The following LRP4 variants were observed in gnomAD, a reference collection of about 807,000 sequenced individuals.
LRP4 encodes low-density lipoprotein receptor-related protein 4.
Under a neutral mutation model 220.3 loss-of-function variants are expected in LRP4, and 95 were observed. The ratio of observed to expected loss-of-function variants is 0.43; its 90% CI spans 0.37 to 0.51. LRP4 has a LOEUF of 0.51. Among genes scored for constraint, LRP4 ranks in the 20% least tolerant of loss-of-function variants. LRP4 has a pLI of 0.00. For missense variants in LRP4, 1,925 were observed against 2,567.0 expected, an observed-to-expected ratio of 0.75 and a Z score of 5.40; for synonymous variants, 903 against 954.6, an observed-to-expected ratio of 0.95 and a Z score of 1.00.
chr11:46,886,221 C>G, intron 17 of LRP4, 49 bp from the exon 18 acceptor site: 1 of 1,599,018 alleles, frequency 6.3e-7, no homozygotes. Flanking sequence ...CACTCTAGTT[C>G]TGGAGCCCAA....
intron 20 of LRP4, 43 bp downstream of exon 20, chr11:46,881,659 T>A (rs1941162278): frequency 6.3e-7 from 1 of 1,578,998 alleles, no homozygotes; most frequent in African/African-American, 1.3e-5. Flanking sequence ...TGTGGGAAGA[T>A]GTTTTAGTGC....
At chr11:46,863,154 G>A (rs912813240) in intron 36 of LRP4, among the ~76,000 whole-genome samples, 8 of 152,244 alleles carry the variant, frequency 5.3e-5, no homozygotes, top group Non-Finnish European at 8.8e-5. Flanking sequence ...CTATGTGAGT[G>A]AGTGTGGAAG....
chr11:46,893,111 C>T lies in LRP4; in HGVS notation c.1559G>A (p.Trp520Ter). The T allele has an allele frequency of 6.2e-7, 1 of 1,614,144 alleles. No homozygotes were observed. The highest frequency in any genetic ancestry group is 1.1e-5 in the South Asian group (1 of 91,076). ...GGTCCAGTAGAGTTTGTCATGGACCCAATCCACAGCCAGGCCCCCTGGTGA... is the reference window on the plus strand; with the variant it reads ...GGTCCAGTAGAGTTTGTCATGGACCTAATCCACAGCCAGGCCCCCTGGTGA... ...LESPGGLAVDWVHDKLYWTDS... is the reference protein window; with the variant it reads ...LESPGGLAVD Residue 520 changes from tryptophan to a stop codon, truncating the protein, a stop_gained, in exon 13 of 38, where the codon TGG becomes TAG. Transcript: ENST00000378623. LOFTEE classifies it high-confidence loss of function.
chr11:46,871,534 G>C lies in LRP4; in HGVS notation c.4683C>G (p.Ala1561=), dbSNP rs759786789. Residue 1561 remains alanine (A), a synonymous_variant, in exon 31 of 38, where the codon GCC becomes GCG. Coordinates refer to ENST00000378623, the MANE Select transcript of LRP4 (RefSeq NM_002334.4). The part of the protein sequence containing the change: ...VLVSHVSHPF[A]LTQQDRWIYW... Reference sequence around the variant, plus strand: ...TCTCCTGAGCCAGTACCTGTGTGAGGGCAAAGGGGTGGGACACATGGCTGA... The same window carrying C: ...TCTCCTGAGCCAGTACCTGTGTGAGCGCAAAGGGGTGGGACACATGGCTGA... 31 of 1,610,960 alleles carry C rather than the reference G, an allele frequency of 1.9e-5. No homozygotes were observed. The highest frequency in any genetic ancestry group is 2.5e-5 in the Non-Finnish European group (30 of 1,177,976).
Position 46,861,523 on chromosome 11 carries a change from C to CTTTTTTTTTTT in LRP4, c.5385+1072_5385+1082dup, listed in dbSNP as rs576719115. 2.6e-4 allele frequency among the ~76,000 whole-genome samples: 22 copies of CTTTTTTTTTTT among 83,490 alleles called. 2 individuals carry two copies. The highest frequency in any genetic ancestry group is 1.1e-3 in the South Asian group (2 of 1,806). 54.8% of individuals were successfully genotyped at this position (83,490 alleles called of 152,430 possible). A position where few individuals can be genotyped will look rare whatever the true frequency, so the allele number is the denominator to read the frequency against. On this transcript the variant is annotated intron_variant, in intron 37 of 37. Transcript: ENST00000378623. ...AGTTAGTTTCCTTGTGGAAATGGGA[C>CTTTTTTTTTTT]TTTTTTTTTTTTTTTTTTTTTTGAG...
intron 12 of LRP4, 83 bp from the exon 13 acceptor site, chr11:46,893,212 G>A: frequency 6.5e-7 from 1 of 1,529,574 alleles, no homozygotes; most frequent in South Asian, 1.1e-5. Flanking sequence ...ACTCTTACAG[G>A]AAGCAATTTT....
Position 46,858,707 on chromosome 11 carries a change from G to T in LRP4, c.*276C>A. 2 of 480,396 alleles carry T rather than the reference G, an allele frequency of 4.2e-6. No homozygotes were observed. Among genetic ancestry groups the T allele is most frequent in the South Asian group, 4.0e-5 (2 of 49,678 alleles). The allele number at this position is 480,396 out of a possible 1,614,324, so 29.8% of individuals were successfully genotyped here. On this transcript the variant is annotated 3_prime_UTR_variant, in exon 38 of 38. Transcript: ENST00000378623. ...GAGCTCTACGCTGGTGAGGAATCAC[G>T]AATAAGCAGTTTCAGGGGGCCCAGG...
At chr11:46,917,540 C>T (rs1289639394) in intron 1 of LRP4, among the ~76,000 whole-genome samples, 3 of 152,204 alleles carry the variant, frequency 2.0e-5, no homozygotes, top group Non-Finnish European at 4.4e-5. Context: ...GGGACCCTGC[C>T]GCGAGGGCCC....
In LRP4 at chr11:46,918,188, C is replaced by G; in HGVS notation, c.52+140G>C. 2.2e-6 allele frequency: 2 copies of G among 902,784 alleles called. No homozygotes were observed. Among genetic ancestry groups the G allele is most frequent in the Non-Finnish European group, 3.3e-6 (2 of 614,116 alleles). 55.9% of individuals were successfully genotyped at this position (902,784 alleles called of 1,614,324 possible). ...GAGCCGGGGCCGCTCCGGGTCCTCT[C>G]CCCTGCACGCAGCCCCAGGGCCACG... is the stretch of plus-strand genomic sequence containing the variant. On this transcript the variant is annotated intron_variant, in intron 1 of 37. Transcript: ENST00000378623. This position sits in a 1 kb window ranked among gnomAD's most constrained non-coding sequence, Gnocchi z 6.0.
intron 37 of LRP4, among the ~76,000 whole-genome samples, chr11:46,860,735 T>G (rs1451099477): frequency 1.3e-5 from 2 of 151,974 alleles, no homozygotes; most frequent in Non-Finnish European, 2.9e-5. Flanking sequence ...CCATGCAGAG[T>G]GGGACATAGC....
intron 11 of LRP4, 70 bp downstream of exon 11, chr11:46,895,096 G>A: frequency 1.3e-6 from 2 of 1,598,918 alleles, no homozygotes; most frequent in Non-Finnish European, 1.7e-6. Flanking sequence ...AAATCCCTGA[G>A]CACCAGAGTA....
In LRP4 at chr11:46,857,796, C is replaced by T. The variant is rs1031324033; in HGVS notation, c.*1187G>A. The T allele has an allele frequency of 2.0e-5, 3 of 152,612 alleles. No individual in the cohort carries two copies. Among genetic ancestry groups the T allele is most frequent in the African/African-American group, 7.2e-5 (3 of 41,432 alleles). 9.5% of individuals were successfully genotyped at this position (152,612 alleles called of 1,614,324 possible). A position where few individuals can be genotyped will look rare whatever the true frequency, so the allele number is the denominator to read the frequency against. ...CCCACATGGAAACTAAGCCCCTTAGCTGAGGGGACAGCTGGAAGAGGAACA... is the reference window on the plus strand; with the variant it reads ...CCCACATGGAAACTAAGCCCCTTAGTTGAGGGGACAGCTGGAAGAGGAACA... On this transcript the variant is annotated 3_prime_UTR_variant, in exon 38 of 38. Transcript: ENST00000378623.
intron 22 of LRP4, among the ~76,000 whole-genome samples, 153 bp downstream of exon 22, chr11:46,878,753 CT>C (rs1255437159): frequency 6.6e-6 from 1 of 152,184 alleles, no homozygotes; most frequent in Non-Finnish European, 1.5e-5. Context: ...GGCCCGTCCC[CT>C]TTTCTAAAAG....
Position 46,899,791 on chromosome 11 carries a change from G to C in LRP4, c.430+72C>G, listed in dbSNP as rs1941626398. ...GAGGTTTGGCAGTGCTAGGGCCATTGCTGCTATCTTCTCCCATGGCCAGGC... is the reference window on the plus strand; with the variant it reads ...GAGGTTTGGCAGTGCTAGGGCCATTCCTGCTATCTTCTCCCATGGCCAGGC... On this transcript the variant is annotated intron_variant, in intron 4 of 37. Coordinates refer to ENST00000378623, the MANE Select transcript of LRP4 (RefSeq NM_002334.4). The surrounding 1 kb of genome is among the most constrained non-coding windows in gnomAD (Gnocchi z 5.9). 3.2e-6 allele frequency: 4 copies of C among 1,244,060 alleles called. No homozygotes were observed. In the South Asian group the frequency reaches 4.8e-5, roughly 15 times the overall value. 77.1% of individuals were successfully genotyped at this position (1,244,060 alleles called of 1,614,324 possible).
At position 46,910,834 on chromosome 11, in the gene LRP4, C is replaced by T. The variant is rs1592554522; in HGVS notation, c.52+7494G>A. Reference sequence around the variant, plus strand: ...GACTACAGGTGTGTACCGCCACACCCGGCTAATTTTTGTATTTTTAGAGTA... The same window carrying T: ...GACTACAGGTGTGTACCGCCACACCTGGCTAATTTTTGTATTTTTAGAGTA... On this transcript the variant is annotated intron_variant, in intron 1 of 37. Coordinates refer to ENST00000378623, the MANE Select transcript of LRP4 (RefSeq NM_002334.4). Among the ~76,000 whole-genome samples the T allele has an allele frequency of 2.0e-5, 3 of 152,124 alleles. No individual in the cohort carries two copies. The South Asian group carries it at 6.2e-4, about 32-fold the overall frequency.
At chr11:46,892,310 G>A (rs1222551700) in intron 13 of LRP4, among the ~76,000 whole-genome samples, 1 of 152,064 alleles carries the variant, frequency 6.6e-6, no homozygotes, top group Non-Finnish European at 1.5e-5. Context: ...GTATTAATTA[G>A]GTCAACCTTA....
intron 8 of LRP4, 113 bp from the exon 9 acceptor site, chr11:46,896,448 G>T (rs1366047509): frequency 1.5e-6 from 2 of 1,359,780 alleles, no homozygotes; most frequent in Non-Finnish European, 2.1e-6. Context: ...AGGTGGGAGG[G>T]TGAGGGTCCT....
At position 46,876,410 on chromosome 11, in the gene LRP4, T is replaced by TA; in HGVS notation, c.3536+55dup. On this transcript the variant is annotated intron_variant, in intron 25 of 37. Coordinates refer to ENST00000378623, the MANE Select transcript of LRP4 (RefSeq NM_002334.4). The stretch of plus-strand genomic sequence containing the variant: ...TCCACTACCCACCTTTACCCCGTCA[T>TA]AACCCCAGCTGAGCTGGCCCCCCAC... The TA allele has an allele frequency of 3.7e-6, 6 of 1,607,130 alleles. No individual in the cohort carries two copies. In the East Asian group the frequency reaches 1.1e-4, roughly 30 times the overall value.
At chr11:46,867,798 A>G (rs1319039800) in intron 34 of LRP4, among the ~76,000 whole-genome samples, 181 bp downstream of exon 34, 2 of 152,206 alleles carry the variant, frequency 1.3e-5, no homozygotes, top group African/African-American at 4.8e-5. Flanking sequence ...CTCAGAGCTA[A>G]AAAGGGAATC....
Sources: allele counts gnomAD v4.1 joint callset (sites outside exome capture counted in the v4.1 genomes callset), GRCh38; gene constraint gnomAD v4.1.1; non-coding constraint Gnocchi (gnomAD v3.1); transcripts MANE v1.5; gene names NCBI Gene and HGNC (gene_info 2026-07-23, HGNC 2026-07-21).